NRXN1: variants seen among roughly 807,000 people sequenced by gnomAD.
NRXN1 encodes neurexin-1.
Under a neutral mutation model 150.9 loss-of-function variants are expected in NRXN1, and 39 were observed. The ratio of observed to expected loss-of-function variants is 0.26; its 90% CI spans 0.20 to 0.34. The LOEUF (loss-of-function observed/expected upper bound fraction) is 0.34. NRXN1 is among the 10% of genes least tolerant of loss of function. The pLI is 1.00. For synonymous variants in NRXN1, 924 were observed against 757.0 expected, an observed-to-expected ratio of 1.22 and a Z score of -3.62; for missense variants, 1,815 against 1,949.9, an observed-to-expected ratio of 0.93 and a Z score of 1.30.
At chr2:50,243,076 G>A (rs985865907) in intron 17 of NRXN1, among the ~76,000 whole-genome samples, 1 of 151,740 alleles carries the variant, frequency 6.6e-6, no homozygotes, top group East Asian at 1.9e-4. Flanking sequence ...CGGTTAGATA[G>A]GAAGAATGAG....
In NRXN1 at chr2:50,572,480, C is replaced by T. The variant is rs184036136; in HGVS notation, c.1321-19455G>A. ...AGCCCATCTAATATATGAATGATTT[C>T]AAAGTTAATGTTAACAATAATAGCC... On this transcript the variant is annotated intron_variant, in intron 8 of 22. Transcript: ENST00000401669. Among the ~76,000 whole-genome samples, 30 of 152,220 alleles carry T rather than the reference C, an allele frequency of 2.0e-4. 1 individual carries two copies. The highest frequency in any genetic ancestry group is 7.2e-4 in the African/African-American group (30 of 41,538).
intron 18 of NRXN1, among the ~76,000 whole-genome samples, chr2:50,227,527 T>C (rs2064514842): frequency 6.6e-6 from 1 of 151,944 alleles, no homozygotes; most frequent in Non-Finnish European, 1.5e-5. Context: ...GTGAGCAAAA[T>C]TACTGCTGAA....
At chr2:51,007,416 A>G (rs902568947) in intron 2 of NRXN1, among the ~76,000 whole-genome samples, 3 of 151,968 alleles carry the variant, frequency 2.0e-5, no homozygotes, top group Non-Finnish European at 4.4e-5. Flanking sequence ...GAAACTATTT[A>G]CATACTTTCC....
chr2:50,408,803 C>A (rs1467235332), intron 17 of NRXN1, among the ~76,000 whole-genome samples: 1 of 148,862 alleles, frequency 6.7e-6, no homozygotes, highest in Non-Finnish European at 1.5e-5. Flanking sequence ...GAGCAGAAAT[C>A]ACTGCAAGTC....
intron 21 of NRXN1, among the ~76,000 whole-genome samples, chr2:50,044,302 T>C (rs1347832985): frequency 6.6e-6 from 1 of 152,206 alleles, no homozygotes; most frequent in Admixed American, 6.6e-5. Context: ...TAGGGTACTC[T>C]GTATGTCCTG....
At chr2:50,059,598 A>G (rs1340862368) in intron 19 of NRXN1, among the ~76,000 whole-genome samples, 1 of 152,200 alleles carries the variant, frequency 6.6e-6, no homozygotes, top group Non-Finnish European at 1.5e-5. Context: ...TCTCCAGAGC[A>G]TGTCAGACAT....
intron 5 of NRXN1, among the ~76,000 whole-genome samples, chr2:50,720,119 A>T (rs954284691): frequency 2.6e-5 from 4 of 152,174 alleles, no homozygotes; most frequent in Non-Finnish European, 5.9e-5. Context: ...AGATCTGTCC[A>T]GCAAGTGGTC....
chr2:50,748,318 T>C (rs1700227178), intron 5 of NRXN1, among the ~76,000 whole-genome samples: 1 of 152,158 alleles, frequency 6.6e-6, no homozygotes, highest in African/African-American at 2.4e-5. Flanking sequence ...TAAGGTTAAA[T>C]AGAAACTGTG....
chr2:50,106,085 C>T (rs1701601981), intron 18 of NRXN1, among the ~76,000 whole-genome samples: 1 of 151,844 alleles, frequency 6.6e-6, no homozygotes, highest in African/African-American at 2.4e-5. Context: ...AACATAATGA[C>T]CACTTCTTAG....
chr2:50,711,062 T>C (rs1275948070), intron 5 of NRXN1, among the ~76,000 whole-genome samples: 2 of 152,174 alleles, frequency 1.3e-5, no homozygotes, highest in African/African-American at 2.4e-5. Flanking sequence ...GAAACTTCTG[T>C]GTACTTACTG....
At chr2:50,157,335 A>T (rs1469013913) in intron 18 of NRXN1, among the ~76,000 whole-genome samples, 1 of 152,062 alleles carries the variant, frequency 6.6e-6, no homozygotes, top group African/African-American at 2.4e-5. Context: ...TCATTCAGGC[A>T]CAGAAAGTTA....
At position 50,277,544 on chromosome 2, in the gene NRXN1, C is replaced by G. The variant is rs1050647732; in HGVS notation, c.3365-40574G>C. Reference sequence around the variant, plus strand: ...TTCCTTCCTTCCTTTCTCTTCTTCTCTCTCCCTCTTTCTCTTTCTTTCTTT... The same window carrying G: ...TTCCTTCCTTCCTTTCTCTTCTTCTGTCTCCCTCTTTCTCTTTCTTTCTTT... On this transcript the variant is annotated intron_variant, in intron 17 of 22. Transcript: ENST00000401669. 7.5e-5 allele frequency among the ~76,000 whole-genome samples: 9 copies of G among 119,940 alleles called. No homozygotes were observed. In the Admixed American group the frequency reaches 8.0e-4, roughly 11 times the overall value. 78.7% of individuals were successfully genotyped at this position (119,940 alleles called of 152,430 possible). A position where few individuals can be genotyped will look rare whatever the true frequency, so the allele number is the denominator to read the frequency against.
chr2:50,057,997 C>G (rs943467316), intron 19 of NRXN1, among the ~76,000 whole-genome samples: 76 of 152,004 alleles, frequency 5.0e-4, no homozygotes, highest in African/African-American at 1.8e-3. Context: ...CTAAACAAGA[C>G]AGGTAGAGAA....
At chr2:50,072,025 AAAT>A (rs1696360324) in intron 19 of NRXN1, among the ~76,000 whole-genome samples, 1 of 152,220 alleles carries the variant, frequency 6.6e-6, no homozygotes, top group Non-Finnish European at 1.5e-5. Flanking sequence ...TAAAACTATA[AAAT>A]AATATTATTT....
chr2:50,215,467 A>G (rs1309523369), intron 18 of NRXN1, among the ~76,000 whole-genome samples: 1 of 152,060 alleles, frequency 6.6e-6, no homozygotes, highest in Non-Finnish European at 1.5e-5. Flanking sequence ...ATCAAATATT[A>G]CTGGGTGAAA....
At chr2:50,057,899 T>A (rs1470747846) in intron 19 of NRXN1, among the ~76,000 whole-genome samples, 1 of 152,188 alleles carries the variant, frequency 6.6e-6, no homozygotes, top group East Asian at 1.9e-4. Flanking sequence ...TACAATCAGT[T>A]CATTATTTGT....
rs543316542 is a variant in NRXN1, at chr2:50,558,364, T to C, written c.1321-5339A>G. On this transcript the variant is annotated intron_variant, in intron 8 of 22. Coordinates refer to ENST00000401669, the MANE Select transcript of NRXN1 (RefSeq NM_001330078.2). ...GTTTCAGTAGGAAATTTGTCTTCGT[T>C]TTTGATAGCAGTTGCTAAGTAGATT... is the stretch of plus-strand genomic sequence containing the variant. Among the ~76,000 whole-genome samples the C allele has an allele frequency of 5.3e-5, 8 of 152,328 alleles. No individual in the cohort carries two copies. In the South Asian group the frequency reaches 1.7e-3, roughly 32 times the overall value.
chr2:50,498,007 G>A (rs1214493079), intron 13 of NRXN1, among the ~76,000 whole-genome samples: 1 of 152,078 alleles, frequency 6.6e-6, no homozygotes. Flanking sequence ...ATTAGCAAGA[G>A]AGTGAGCACA....
intron 5 of NRXN1, among the ~76,000 whole-genome samples, chr2:50,626,181 T>G (rs777329337): frequency 2.6e-5 from 4 of 151,806 alleles, no homozygotes; most frequent in Non-Finnish European, 4.4e-5. Context: ...GAATTTAGAG[T>G]TCTGTGTACT....
Sources: allele counts gnomAD v4.1 joint callset (sites outside exome capture counted in the v4.1 genomes callset), GRCh38; gene constraint gnomAD v4.1.1; transcripts MANE v1.5; gene names NCBI Gene and HGNC (gene_info 2026-07-23, HGNC 2026-07-21).